DOK5: variants seen among roughly 807,000 people sequenced by gnomAD.
DOK5 encodes the protein docking protein 5.
A neutral mutation model predicts 43.3 loss-of-function variants in DOK5; 27 were observed. That is an observed-to-expected ratio of 0.62 (90% confidence interval 0.46 to 0.86). DOK5 has a LOEUF of 0.86. Ranked by LOEUF, DOK5 falls within the 40% of genes least tolerant of loss-of-function variation. The pLI is 0.00. For missense variants in DOK5, 373 were observed against 392.9 expected (o/e 0.95, Z 0.43); for synonymous variants, 146 against 140.1 (o/e 1.04, Z -0.30).
intron 6 of DOK5, among the ~76,000 whole-genome samples, chr20:54,641,450 G>T (rs6014100): frequency 0.41 from 61,907 of 151,486 alleles, 14,088 homozygotes; most frequent in South Asian, 0.61. Flanking sequence ...ACCATGCTGA[G>T]GGGATGTGTA....
At chr20:54,644,529 C>A (rs1229164239) in intron 7 of DOK5, among the ~76,000 whole-genome samples, 1 of 147,902 alleles carries the variant, frequency 6.8e-6, no homozygotes, top group Non-Finnish European at 1.5e-5. Context: ...ACAGTGAAAC[C>A]CCGTCTCTAC....
intron 1 of DOK5, among the ~76,000 whole-genome samples, chr20:54,476,883 G>T (rs1981450279): frequency 6.6e-6 from 1 of 152,086 alleles, no homozygotes; most frequent in South Asian, 2.1e-4. Flanking sequence ...CTGAATGATG[G>T]TGGAAGAATT....
intron 5 of DOK5, among the ~76,000 whole-genome samples, chr20:54,605,449 G>C (rs889337515): frequency 6.6e-6 from 1 of 152,192 alleles, no homozygotes; most frequent in African/African-American, 2.4e-5. Context: ...GCACACTTGT[G>C]CTCTGTCCAC....
intron 6 of DOK5, among the ~76,000 whole-genome samples, chr20:54,616,956 A>T (rs1986833915): frequency 6.6e-6 from 1 of 151,238 alleles, no homozygotes; most frequent in Non-Finnish European, 1.5e-5. Context: ...CACCCGGCTA[A>T]TTTTTTTGTA....
chr20:54,630,701 G>A (rs1009389225), intron 6 of DOK5, among the ~76,000 whole-genome samples: 1 of 152,020 alleles, frequency 6.6e-6, no homozygotes, highest in African/African-American at 2.4e-5. Flanking sequence ...TCTTCTTATT[G>A]GCTACAGATT....
chr20:54,551,709 A>G (rs181047323), intron 1 of DOK5, among the ~76,000 whole-genome samples: 13 of 152,216 alleles, frequency 8.5e-5, no homozygotes, highest in Admixed American at 6.5e-4. Context: ...CTGTGTTTTT[A>G]TATTGCTTGA....
intron 4 of DOK5, among the ~76,000 whole-genome samples, chr20:54,589,185 G>A (rs956406679): frequency 3.3e-5 from 5 of 152,294 alleles, no homozygotes; most frequent in Non-Finnish European, 7.3e-5. Flanking sequence ...AGGACGTAAA[G>A]ACTTTCCTTC....
intron 6 of DOK5, among the ~76,000 whole-genome samples, chr20:54,628,520 T>C (rs1978416824): frequency 6.8e-6 from 1 of 146,744 alleles, no homozygotes; most frequent in African/African-American, 2.5e-5. Context: ...GAACCAGAAC[T>C]GATGCACAGG....
At position 54,475,883 on chromosome 20, in the gene DOK5, A is replaced by G; in HGVS notation, c.-64A>G. The G allele has an allele frequency of 6.3e-7, 1 of 1,595,204 alleles. No individual in the cohort carries two copies. The highest frequency in any genetic ancestry group is 8.5e-7 in the Non-Finnish European group (1 of 1,170,776). On this transcript the variant is annotated 5_prime_UTR_variant, in exon 1 of 8. Transcript: ENST00000262593. This position sits in a 1 kb window ranked among gnomAD's most constrained non-coding sequence, Gnocchi z 4.2. ...ACTGCTTGTCTTGACCCTGCCCTCCACCCTCCCCAGAGCCACTTCGGGTGC... is the reference window on the plus strand; with the variant it reads ...ACTGCTTGTCTTGACCCTGCCCTCCGCCCTCCCCAGAGCCACTTCGGGTGC...
intron 5 of DOK5, among the ~76,000 whole-genome samples, chr20:54,599,619 C>T (rs534794196): frequency 2.0e-5 from 3 of 152,250 alleles, no homozygotes; most frequent in Admixed American, 6.5e-5. Flanking sequence ...AAATAGCATG[C>T]AAAATTCTTG....
At chr20:54,553,297 G>A (rs1011936271) in intron 1 of DOK5, among the ~76,000 whole-genome samples, 2 of 152,176 alleles carry the variant, frequency 1.3e-5, no homozygotes, top group East Asian at 2.0e-4. Context: ...CCGGGTTCAC[G>A]CCATTCTCCT....
chr20:54,489,789 C>G (rs979465429), intron 1 of DOK5, among the ~76,000 whole-genome samples: 22 of 152,112 alleles, frequency 1.4e-4, no homozygotes, highest in Admixed American at 1.4e-3. Flanking sequence ...CTGTTACAAA[C>G]AGTGCTATAG....
chr20:54,520,631 A>T (rs1441728106), intron 1 of DOK5, among the ~76,000 whole-genome samples: 2 of 151,990 alleles, frequency 1.3e-5, no homozygotes, highest in African/African-American at 2.4e-5. Flanking sequence ...ATAATAATAA[A>T]AAATTATCTG....
At chr20:54,631,466 GAGA>G (rs778614223) in intron 6 of DOK5, among the ~76,000 whole-genome samples, 28 of 151,028 alleles carry the variant, frequency 1.9e-4, no homozygotes, top group Middle Eastern at 3.4e-3. Context: ...AAGGGAGGGA[GAGA>G]AGGAGAGAGG....
intron 1 of DOK5, among the ~76,000 whole-genome samples, chr20:54,514,991 A>G (rs1303787665): frequency 6.6e-6 from 1 of 151,204 alleles, no homozygotes; most frequent in Non-Finnish European, 1.5e-5. Flanking sequence ...ACCTAACTTC[A>G]GGCTCTGAGA....
intron 2 of DOK5, among the ~76,000 whole-genome samples, chr20:54,560,684 G>T (rs565586657): frequency 6.6e-6 from 1 of 152,084 alleles, no homozygotes; most frequent in Non-Finnish European, 1.5e-5. Flanking sequence ...GCAATGGCAC[G>T]ATCTCGGCTC....
chr20:54,501,466 CAAAAAA>C (rs76224592), intron 1 of DOK5, among the ~76,000 whole-genome samples: 3 of 19,460 alleles, frequency 1.5e-4, no homozygotes, highest in Non-Finnish European at 2.8e-4. Context: ...GACTCACTCT[CAAAAAA>C]AAAAAAAAAA....
chr20:54,562,355 G>A (rs1185085692), intron 2 of DOK5, among the ~76,000 whole-genome samples: 1 of 152,134 alleles, frequency 6.6e-6, no homozygotes, highest in African/African-American at 2.4e-5. Flanking sequence ...GCACATGCAT[G>A]GTTTTGTCTT....
At chr20:54,573,601 C>A (rs1024661221) in intron 2 of DOK5, among the ~76,000 whole-genome samples, 1 of 146,850 alleles carries the variant, frequency 6.8e-6, no homozygotes, top group South Asian at 2.2e-4. Flanking sequence ...GCAGGAGAAT[C>A]GCTTGAATCT....
Sources: allele counts gnomAD v4.1 joint callset (sites outside exome capture counted in the v4.1 genomes callset), GRCh38; gene constraint gnomAD v4.1.1; non-coding constraint Gnocchi (gnomAD v3.1); transcripts MANE v1.5; gene names NCBI Gene and HGNC (gene_info 2026-07-23, HGNC 2026-07-21).